PACRG: variants seen among roughly 807,000 people sequenced by gnomAD.
PACRG encodes the protein parkin coregulated.
Under a neutral mutation model 29.7 loss-of-function variants are expected in PACRG, and 29 were observed. The observed-to-expected ratio is 0.98, with a 90% CI of 0.73 to 1.33. The LOEUF is 1.33. Among genes scored for constraint, PACRG ranks in the 40% most tolerant of loss-of-function variants. PACRG has a pLI of 0.00. For missense variants in PACRG, 279 were observed against 316.2 expected (o/e 0.88, Z 0.89); for synonymous variants, 116 against 118.7 (o/e 0.98, Z 0.15).
chr6:163,172,499 T>C (rs2128348020), intron 4 of PACRG, among the ~76,000 whole-genome samples: 1 of 152,288 alleles, frequency 6.6e-6, no homozygotes, highest in African/African-American at 2.4e-5. Context: ...CACACACGCA[T>C]GCATGCACGC....
intron 2 of PACRG, among the ~76,000 whole-genome samples, chr6:163,004,194 T>C (rs1040488193): frequency 6.6e-6 from 1 of 150,740 alleles, no homozygotes; most frequent in Non-Finnish European, 1.5e-5. Flanking sequence ...TTTGAACATA[T>C]ATATTATTAT....
At chr6:163,211,220 T>A (rs975895048) in intron 4 of PACRG, among the ~76,000 whole-genome samples, 2 of 152,240 alleles carry the variant, frequency 1.3e-5, no homozygotes, top group Non-Finnish European at 2.9e-5. Flanking sequence ...CTTCAATGCT[T>A]ATGTGTAAAT....
At chr6:162,856,899 C>G (rs1040505368) in intron 2 of PACRG, among the ~76,000 whole-genome samples, 2 of 152,090 alleles carry the variant, frequency 1.3e-5, no homozygotes, top group Non-Finnish European at 2.9e-5. Context: ...GTGACTCCAG[C>G]GGGTTTACCT....
At chr6:163,000,496 G>T (rs1276279894) in intron 2 of PACRG, among the ~76,000 whole-genome samples, 2 of 152,118 alleles carry the variant, frequency 1.3e-5, no homozygotes, top group Non-Finnish European at 2.9e-5. Flanking sequence ...AGAGAGTGTG[G>T]TGGCATCCTT....
At chr6:162,933,010 T>A (rs1797964699) in intron 2 of PACRG, among the ~76,000 whole-genome samples, 1 of 152,086 alleles carries the variant, frequency 6.6e-6, no homozygotes, top group African/African-American at 2.4e-5. Context: ...TAAACTTTCC[T>A]CTGTGTACAG....
At position 163,002,220 on chromosome 6, in the gene PACRG, A is replaced by C. The variant is rs143071202; in HGVS notation, c.292-59930A>C. ...GGCCTCTCTAGTTGACAGCAAAGTA[A>C]TACTGGTGCCTGTGTGTTGCATGTA... is the stretch of plus-strand genomic sequence containing the variant. On this transcript the variant is annotated intron_variant, in intron 2 of 4. Coordinates refer to ENST00000366888, the MANE Select transcript of PACRG (RefSeq NM_001080379.2). Among the ~76,000 whole-genome samples the C allele has an allele frequency of 1.6e-3, 238 of 152,326 alleles. 1 individual carries two copies. Among genetic ancestry groups the C allele is most frequent in the African/African-American group, 5.4e-3 (223 of 41,570 alleles).
At chr6:163,296,035 G>C (rs933032359) in intron 4 of PACRG, among the ~76,000 whole-genome samples, 12 of 152,136 alleles carry the variant, frequency 7.9e-5, no homozygotes, top group Non-Finnish European at 1.3e-4. Context: ...AGAGCAGCAG[G>C]AGGCTGTCTT....
At chr6:163,295,625 GTTCAT>G (rs1187130659) in intron 4 of PACRG, among the ~76,000 whole-genome samples, 1 of 152,132 alleles carries the variant, frequency 6.6e-6, no homozygotes, top group African/African-American at 2.4e-5. Flanking sequence ...CTATAAATTA[GTTCAT>G]TTAATTGTTA....
At chr6:162,888,410 G>T (rs1794520618) in intron 2 of PACRG, among the ~76,000 whole-genome samples, 1 of 152,148 alleles carries the variant, frequency 6.6e-6, no homozygotes, top group South Asian at 2.1e-4. Context: ...GCATCCGTAG[G>T]ATCGCTGGGC....
intron 1 of PACRG, among the ~76,000 whole-genome samples, chr6:162,740,323 T>TA (rs1424111862): frequency 6.6e-6 from 1 of 151,986 alleles, no homozygotes; most frequent in African/African-American, 2.4e-5. Flanking sequence ...CATCTTTTTT[T>TA]TTTTTGAGAC....
At chr6:163,173,543 GC>G (rs765816871) in intron 4 of PACRG, among the ~76,000 whole-genome samples, 5 of 152,172 alleles carry the variant, frequency 3.3e-5, no homozygotes, top group Non-Finnish European at 7.3e-5. Context: ...CTAGACCATG[GC>G]TTGAGGCTTT....
chr6:162,980,338 T>C (rs1204550906), intron 2 of PACRG, among the ~76,000 whole-genome samples: 2 of 152,142 alleles, frequency 1.3e-5, no homozygotes, highest in African/African-American at 2.4e-5. Context: ...CTCTTAAAAA[T>C]AAATGTGAAA....
chr6:163,194,670 C>T (rs180909737), intron 4 of PACRG, among the ~76,000 whole-genome samples: 381 of 152,266 alleles, frequency 2.5e-3, no homozygotes, highest in Non-Finnish European at 4.6e-3. Context: ...TTTTTGTAAG[C>T]GGTGGTTGCT....
At chr6:163,118,032 G>A (rs1338231989) in intron 4 of PACRG, among the ~76,000 whole-genome samples, 8 of 152,166 alleles carry the variant, frequency 5.3e-5, no homozygotes, top group Admixed American at 2.6e-4. Flanking sequence ...AGAAAACCTC[G>A]AGTCTGCTAT....
intron 2 of PACRG, 71 bp from the exon 3 acceptor site, chr6:163,062,079 T>C (rs1811140967): frequency 8.5e-6 from 13 of 1,526,548 alleles, no homozygotes; most frequent in Non-Finnish European, 1.2e-5. Context: ...GGGTGACAGC[T>C]GCATAGCTTG....
At chr6:163,150,499 A>T (rs955088491) in intron 4 of PACRG, among the ~76,000 whole-genome samples, 3 of 152,198 alleles carry the variant, frequency 2.0e-5, no homozygotes, top group Non-Finnish European at 4.4e-5. Context: ...CCCAAGGAAG[A>T]TGTTCTCTTC....
At chr6:163,201,473 T>A (rs1433239590) in intron 4 of PACRG, among the ~76,000 whole-genome samples, 2 of 152,228 alleles carry the variant, frequency 1.3e-5, no homozygotes, top group Admixed American at 6.5e-5. Context: ...CTGGGGAGCC[T>A]GCTCAGGAAT....
intron 2 of PACRG, among the ~76,000 whole-genome samples, chr6:163,023,272 A>C (rs1462728264): frequency 6.6e-6 from 1 of 151,868 alleles, no homozygotes; most frequent in African/African-American, 2.4e-5. Flanking sequence ...TTCCTTGTTC[A>C]TGTCCACGTG....
chr6:163,197,317 A>G (rs1780500105), intron 4 of PACRG, among the ~76,000 whole-genome samples: 1 of 152,132 alleles, frequency 6.6e-6, no homozygotes, highest in Non-Finnish European at 1.5e-5. Context: ...ACCTTTAGCT[A>G]TAAAGGAAGA....
Sources: allele counts gnomAD v4.1 joint callset (sites outside exome capture counted in the v4.1 genomes callset), GRCh38; gene constraint gnomAD v4.1.1; transcripts MANE v1.5; gene names NCBI Gene and HGNC (gene_info 2026-07-23, HGNC 2026-07-21).